TTC13: variants seen among roughly 807,000 people sequenced by gnomAD.
The protein encoded by TTC13 is tetratricopeptide repeat domain 13.
Under a neutral mutation model 120.0 loss-of-function variants are expected in TTC13, and 62 were observed. The observed-to-expected ratio is 0.52, with a 90% CI of 0.42 to 0.64. TTC13 has a LOEUF of 0.64. TTC13 is among the 30% of genes least tolerant of loss of function. The probability of loss-of-function intolerance (pLI) is 0.00; values close to 1 mark genes in which losing one functional copy is unlikely to be tolerated. For missense variants in TTC13, 824 were observed against 1,050.2 expected, an observed-to-expected ratio of 0.78 and a Z score of 2.98; for synonymous variants, 384 against 393.5, an observed-to-expected ratio of 0.98 and a Z score of 0.28.
intron 3 of TTC13, among the ~76,000 whole-genome samples, chr1:230,957,801 A>C (rs1346954646): frequency 1.3e-5 from 2 of 151,876 alleles, no homozygotes; most frequent in African/African-American, 4.8e-5. Context: ...TCTTAGGCCC[A>C]AAAATAACTC....
intron 1 of TTC13, among the ~76,000 whole-genome samples, chr1:230,967,888 G>A (rs184213672): frequency 1.3e-5 from 2 of 152,226 alleles, no homozygotes; most frequent in East Asian, 1.9e-4. Flanking sequence ...TGCTTACGTC[G>A]TACAAGTAAA....
At chr1:230,956,177 G>A (rs1676065409) in intron 3 of TTC13, among the ~76,000 whole-genome samples, 1 of 152,270 alleles carries the variant, frequency 6.6e-6, no homozygotes, top group African/African-American at 2.4e-5. Context: ...TAAGCAGTGA[G>A]TGAGAGGAAG....
chr1:230,929,322 A>AATTTTT (rs528909612), intron 11 of TTC13, among the ~76,000 whole-genome samples: 2 of 144,438 alleles, frequency 1.4e-5, no homozygotes, highest in Non-Finnish European at 3.0e-5. Context: ...CTTTGGCTAC[A>AATTTTT]TTTTTTTTTT....
intron 8 of TTC13, among the ~76,000 whole-genome samples, chr1:230,938,885 C>G (rs769503496): frequency 1.3e-5 from 2 of 152,188 alleles, no homozygotes; most frequent in Non-Finnish European, 2.9e-5. Flanking sequence ...CCAGCTTCAT[C>G]TCCCTTAAAC....
chr1:230,955,649 C>A (rs1298531754), intron 3 of TTC13, among the ~76,000 whole-genome samples: 5 of 100,446 alleles, frequency 5.0e-5, no homozygotes, highest in African/African-American at 1.3e-4. Context: ...CCAGCCTGGG[C>A]GACAGAGAGA....
At chr1:230,954,301 C>G (rs1299999106) in intron 4 of TTC13, 32 bp downstream of exon 4, 4 of 1,549,102 alleles carry the variant, frequency 2.6e-6, no homozygotes, top group Non-Finnish European at 3.6e-6. Flanking sequence ...TGACCATAAA[C>G]TCAAAATTAC....
rs188869925 is a variant in TTC13 at position 230,967,931 on chromosome 1, A to G, written c.272-6628T>C. On this transcript the variant is annotated intron_variant, in intron 1 of 22. Coordinates refer to ENST00000366661, the MANE Select transcript of TTC13 (RefSeq NM_024525.5). ...CTGATTACTATAGAAACTGTGTGAA[A>G]ACGCATCACAGAATTCTATCTTGTT... 3.1e-3 allele frequency among the ~76,000 whole-genome samples: 475 copies of G among 152,348 alleles called. 3 individuals are homozygous for G. The highest frequency in any genetic ancestry group is 6.2e-3 in the South Asian group (30 of 4,828).
chr1:230,912,732 T>G lies in TTC13; in HGVS notation c.2120A>C (p.Glu707Ala). Residue 707 changes from glutamate to alanine, a missense_variant, in exon 19 of 23, where the codon GAA (glutamate) becomes GCA (alanine). By Grantham distance (107) the Glu-to-Ala change is moderately radical. Coordinates refer to ENST00000366661, the MANE Select transcript of TTC13 (RefSeq NM_024525.5). Reference sequence around the variant, plus strand: ...TGTCCTTTCTTCCGTGGTTTGAGTTTCCACAGAAAATAATATATTGCCAAC... The same window carrying G: ...TGTCCTTTCTTCCGTGGTTTGAGTTGCCACAGAAAATAATATATTGCCAAC... ...DKVGNILFSV[E>A]TQTTEERTQL... 1.9e-6 allele frequency: 3 copies of G among 1,612,150 alleles called. No individual in the cohort carries two copies. Among genetic ancestry groups the G allele is most frequent in the Non-Finnish European group, 2.5e-6 (3 of 1,179,426 alleles).
rs553727379 is a variant in TTC13 at position 230,940,303 on chromosome 1, T to C, written c.789+137A>G. ...TGGGTTTAATTTCAGCTACAGAAAATGCTTTTATAACTCTTATGACACAGA... is the reference window on the plus strand; with the variant it reads ...TGGGTTTAATTTCAGCTACAGAAAACGCTTTTATAACTCTTATGACACAGA... On this transcript the variant is annotated intron_variant, in intron 7 of 22. Coordinates refer to ENST00000366661, the MANE Select transcript of TTC13 (RefSeq NM_024525.5). The surrounding 1 kb of genome is among the most constrained non-coding windows in gnomAD (Gnocchi z 4.1). 6.4e-5 allele frequency: 32 copies of C among 498,824 alleles called. No individual in the cohort carries two copies. The highest frequency in any genetic ancestry group is 1.1e-4 in the Non-Finnish European group (30 of 283,910). 30.9% of individuals were successfully genotyped at this position (498,824 alleles called of 1,614,324 possible).
At chr1:230,919,112 C>A (rs1414364790) in intron 17 of TTC13, among the ~76,000 whole-genome samples, 1 of 152,166 alleles carries the variant, frequency 6.6e-6, no homozygotes, top group African/African-American at 2.4e-5. Flanking sequence ...TATTGCCACA[C>A]ATACTTTTCT....
At chr1:230,945,273 G>A in intron 5 of TTC13, 116 bp downstream of exon 5, 1 of 937,100 alleles carries the variant, frequency 1.1e-6, no homozygotes, top group South Asian at 1.3e-5. Context: ...GAACTGGAAT[G>A]ATAGATACCA....
intron 14 of TTC13, 134 bp downstream of exon 14, chr1:230,924,707 T>C: frequency 1.1e-6 from 1 of 943,120 alleles, no homozygotes; most frequent in Non-Finnish European, 1.6e-6. Flanking sequence ...TAACAAACTT[T>C]AGAGAGGAAA....
chr1:230,929,450 G>T (rs1673347113), intron 11 of TTC13, among the ~76,000 whole-genome samples: 1 of 151,902 alleles, frequency 6.6e-6, no homozygotes, highest in Non-Finnish European at 1.5e-5. Flanking sequence ...GAGTAGCTGG[G>T]ACTACAGGCA....
intron 13 of TTC13, 87 bp from the exon 14 acceptor site, chr1:230,925,060 G>A (rs1672938566): frequency 6.6e-7 from 1 of 1,522,184 alleles, no homozygotes; most frequent in African/African-American, 1.4e-5. Context: ...GATAACTCAA[G>A]AGTTAACACA....
intron 12 of TTC13, among the ~76,000 whole-genome samples, chr1:230,928,133 G>T (rs1002759475): frequency 3.3e-5 from 5 of 152,028 alleles, no homozygotes; most frequent in African/African-American, 1.2e-4. Context: ...TTGGTCCTTT[G>T]TTCTTCAATA....
At chr1:230,930,942 A>T (rs1194672221) in intron 11 of TTC13, among the ~76,000 whole-genome samples, 1 of 151,988 alleles carries the variant, frequency 6.6e-6, no homozygotes, top group Non-Finnish European at 1.5e-5. Flanking sequence ...AACAGTAAGA[A>T]CCTCACAGAA....
intron 1 of TTC13, among the ~76,000 whole-genome samples, chr1:230,973,301 G>C (rs756196163): frequency 1.3e-5 from 2 of 152,240 alleles, no homozygotes; most frequent in South Asian, 4.2e-4. Context: ...TATTTAAATG[G>C]CCAATTCCTT....
intron 16 of TTC13, among the ~76,000 whole-genome samples, chr1:230,920,981 C>G (rs1030731608): frequency 2.0e-5 from 3 of 152,106 alleles, no homozygotes; most frequent in Non-Finnish European, 4.4e-5. Flanking sequence ...TCTAAAGCTG[C>G]TCAAATGAAA....
chr1:230,911,314 C>T (rs1671475436), intron 20 of TTC13, 156 bp downstream of exon 20: 1 of 532,812 alleles, frequency 1.9e-6, no homozygotes, highest in South Asian at 3.1e-5. Context: ...ATGTGATAGA[C>T]TAAGGAAATA....
Sources: allele counts gnomAD v4.1 joint callset (sites outside exome capture counted in the v4.1 genomes callset), GRCh38; gene constraint gnomAD v4.1.1; non-coding constraint Gnocchi (gnomAD v3.1); transcripts MANE v1.5; gene names NCBI Gene and HGNC (gene_info 2026-07-23, HGNC 2026-07-21).